The following CLOCK variants were observed in gnomAD, a reference collection of about 807,000 sequenced individuals.
The protein encoded by CLOCK is circadian locomoter output cycles protein kaput.
Under a neutral mutation model 118.4 loss-of-function variants are expected in CLOCK, and 43 were observed. That is an observed-to-expected ratio of 0.36 (90% CI 0.28 to 0.47). The LOEUF (loss-of-function observed/expected upper bound fraction) is 0.47. Ranked by LOEUF, CLOCK falls within the 20% of genes least tolerant of loss-of-function variation. The pLI is 1.00. For missense variants in CLOCK, 846 were observed against 999.9 expected (o/e 0.85, Z 2.08); for synonymous variants, 326 against 339.2 (o/e 0.96, Z 0.43).
chr4:55,520,919 C>T (rs1053494747), intron 1 of CLOCK, among the ~76,000 whole-genome samples: 1 of 152,196 alleles, frequency 6.6e-6, no homozygotes, highest in African/African-American at 2.4e-5. Flanking sequence ...TATAACAACT[C>T]CTTTGTGAAC....
chr4:55,453,083 C>T lies in CLOCK; in HGVS notation c.1177G>A (p.Glu393Lys), dbSNP rs200583019. 5.6e-6 allele frequency: 9 copies of T among 1,612,316 alleles called. No homozygotes were observed. In the Admixed American group the frequency reaches 1.5e-4, roughly 27 times the overall value. The part of the protein sequence containing the change: ...AERRRELGIE[E>K]SLPETAADKS... ...TCAGCAGCTGTCTCAGGAAGAGACT[C>T]TTCAATGCCAAGTTCTCGTCGTCTT... The change falls in exon 15 of 23, where the codon GAG becomes AAG. Residue 393 changes from glutamate to lysine, a missense_variant. Physicochemically the swap from Glu to Lys is moderately conservative, Grantham distance 56 (BLOSUM62 1). This residue lies in a region of CLOCK where 520 missense variants were observed against 558.0 expected (regional missense o/e 0.93). Transcript: ENST00000513440.
intron 8 of CLOCK, among the ~76,000 whole-genome samples, chr4:55,467,322 G>A (rs569010639): frequency 1.3e-5 from 2 of 152,142 alleles, no homozygotes; most frequent in South Asian, 4.2e-4. Context: ...ACTGAGTGAC[G>A]CTCCAAGGAA....
chr4:55,526,475 T>TA (rs1730195639), intron 1 of CLOCK, among the ~76,000 whole-genome samples: 1 of 152,204 alleles, frequency 6.6e-6, no homozygotes, highest in Non-Finnish European at 1.5e-5. Flanking sequence ...ATATTCTTGT[T>TA]AAGAGTCAAA....
At chr4:55,476,659 G>A (rs554895136) in intron 6 of CLOCK, among the ~76,000 whole-genome samples, 4 of 152,236 alleles carry the variant, frequency 2.6e-5, no homozygotes, top group Admixed American at 2.6e-4. Context: ...TACAACAGTA[G>A]AGAGATGGTG....
chr4:55,482,871 A>G (rs1485493890), intron 3 of CLOCK, 43 bp from the exon 4 acceptor site: 8 of 950,566 alleles, frequency 8.4e-6, no homozygotes, highest in East Asian at 5.0e-5. Context: ...TTTTCTAAAA[A>G]TGTTACTTCC....
At chr4:55,494,006 T>C (rs1727891950) in intron 2 of CLOCK, among the ~76,000 whole-genome samples, 2 of 152,208 alleles carry the variant, frequency 1.3e-5, no homozygotes, top group South Asian at 2.1e-4. Flanking sequence ...TCAACTAATA[T>C]ATATTTTTCA....
intron 2 of CLOCK, among the ~76,000 whole-genome samples, chr4:55,494,587 G>A (rs894376573): frequency 6.6e-6 from 1 of 152,074 alleles, no homozygotes; most frequent in African/African-American, 2.4e-5. Flanking sequence ...TAGGAGGGGG[G>A]ATGAGGGATA....
chr4:55,504,283 CAAAAAAAA>C (rs35414558), intron 2 of CLOCK, among the ~76,000 whole-genome samples: 18 of 51,950 alleles, frequency 3.5e-4, no homozygotes, highest in Non-Finnish European at 5.6e-4. Flanking sequence ...GAGACTCCAT[CAAAAAAAA>C]AAAAAAAAAA....
intron 15 of CLOCK, among the ~76,000 whole-genome samples, chr4:55,451,280 A>G (rs1169640053): frequency 6.6e-6 from 1 of 152,198 alleles, no homozygotes; most frequent in Non-Finnish European, 1.5e-5. Flanking sequence ...CTCAACACTC[A>G]TCTAAAATTT....
At chr4:55,520,433 T>G (rs1443270664) in intron 1 of CLOCK, among the ~76,000 whole-genome samples, 1 of 152,206 alleles carries the variant, frequency 6.6e-6, no homozygotes, top group African/African-American at 2.4e-5. Context: ...GCAGATGAAC[T>G]GGTGAAAATT....
Position 55,431,202 on chromosome 4 carries a change from T to C in CLOCK, c.*4213A>G, listed in dbSNP as rs1577653342. ...CGTAAAGGATCCCCAGGCATGAGAG[T>C]TGGGTCTTCTCACCTGTCTCATAAA... On this transcript the variant is annotated 3_prime_UTR_variant, in exon 23 of 23. Coordinates refer to ENST00000513440, the MANE Select transcript of CLOCK (RefSeq NM_004898.4). 6.6e-6 allele frequency: 1 copy of C among 152,106 alleles called. No homozygotes were observed. Among genetic ancestry groups the C allele is most frequent in the African/African-American group, 2.4e-5 (1 of 41,424 alleles). 9.4% of individuals were successfully genotyped at this position (152,106 alleles called of 1,614,324 possible).
At position 55,504,283 on chromosome 4, in the gene CLOCK, C is replaced by CAAAAAA. The variant is rs35414558; in HGVS notation, c.-136+5623_-136+5628dup. Among the ~76,000 whole-genome samples the CAAAAAA allele has an allele frequency of 4.8e-3, 251 of 51,810 alleles. 3 individuals are homozygous for CAAAAAA. Among genetic ancestry groups the CAAAAAA allele is most frequent in the East Asian group, 7.3e-3 (12 of 1,650 alleles). The allele number at this position is 51,810 out of a possible 152,430, so 34.0% of individuals were successfully genotyped here. A position where few individuals can be genotyped will look rare whatever the true frequency, so the allele number is the denominator to read the frequency against. The stretch of plus-strand genomic sequence containing the variant: ...CCTGGGCGACACAGCGAGACTCCAT[C>CAAAAAA]AAAAAAAAAAAAAAAAAAAAAAAAC... On this transcript the variant is annotated intron_variant, in intron 2 of 22. Transcript: ENST00000513440.
rs190461733 is a variant in CLOCK, at chr4:55,492,794, G to A, written c.-135-3329C>T. On this transcript the variant is annotated intron_variant, in intron 2 of 22. Transcript: ENST00000513440. The stretch of plus-strand genomic sequence containing the variant: ...CAGGAAGCGGAGGTTGCAGTGAGCC[G>A]AGATAGCGCCACTGCACTCTGACCT... Among the ~76,000 whole-genome samples, 33 of 152,186 alleles carry A rather than the reference G, an allele frequency of 2.2e-4. No homozygotes were observed. In the East Asian group the frequency reaches 2.9e-3, roughly 13 times the overall value.
chr4:55,456,045 T>G lies in CLOCK; in HGVS notation c.876-42A>C, dbSNP rs749910247. 1.2e-5 allele frequency: 17 copies of G among 1,379,434 alleles called. No individual in the cohort carries two copies. In the Admixed American group the frequency reaches 2.5e-4, roughly 20 times the overall value. 85.4% of individuals were successfully genotyped at this position (1,379,434 alleles called of 1,614,324 possible). ...ACAATCATTATTATAAGTTTTTCCA[T>G]AATAAGAAATATTTCAACTAGAAAT... On this transcript the variant is annotated intron_variant, in intron 12 of 22. Transcript: ENST00000513440.
In CLOCK at chr4:55,538,126, A is replaced by G. The variant is rs531644162; in HGVS notation, c.-290+8656T>C. On this transcript the variant is annotated intron_variant, in intron 1 of 22. Transcript: ENST00000513440. Reference sequence around the variant, plus strand: ...TCTCTACAGGTTATACAGATATTAGACTCATTACACTTTCTACAGATATTA... The same window carrying G: ...TCTCTACAGGTTATACAGATATTAGGCTCATTACACTTTCTACAGATATTA... 2.0e-5 allele frequency among the ~76,000 whole-genome samples: 3 copies of G among 152,350 alleles called. No individual in the cohort carries two copies. In the South Asian group the frequency reaches 6.2e-4, roughly 32 times the overall value.
intron 1 of CLOCK, among the ~76,000 whole-genome samples, chr4:55,534,061 A>G (rs1160633307): frequency 1.3e-5 from 2 of 152,194 alleles, no homozygotes; most frequent in African/African-American, 2.4e-5. Context: ...AAAGAACCCA[A>G]TAGTAATAAA....
intron 1 of CLOCK, among the ~76,000 whole-genome samples, chr4:55,514,140 T>A (rs149394126): frequency 1.3e-5 from 2 of 152,248 alleles, no homozygotes; most frequent in African/African-American, 4.8e-5. Flanking sequence ...ACTTCCAGTA[T>A]GATGTGAAAA....
chr4:55,432,427 C>T lies in CLOCK; in HGVS notation c.*2988G>A, dbSNP rs554169229. ...GTAGTTTCTTACCTAAAAAGTACCACCCAGAATAAGTGTTTTTAAGAAAGT... is the reference window on the plus strand; with the variant it reads ...GTAGTTTCTTACCTAAAAAGTACCATCCAGAATAAGTGTTTTTAAGAAAGT... On this transcript the variant is annotated 3_prime_UTR_variant, in exon 23 of 23. Coordinates refer to ENST00000513440, the MANE Select transcript of CLOCK (RefSeq NM_004898.4). The T allele has an allele frequency of 4.6e-5, 7 of 150,988 alleles. No individual in the cohort carries two copies. In the South Asian group the frequency reaches 1.5e-3, roughly 32 times the overall value. The allele number at this position is 150,988 out of a possible 1,614,324, so 9.4% of individuals were successfully genotyped here. A position where few individuals can be genotyped will look rare whatever the true frequency, so the allele number is the denominator to read the frequency against.
At chr4:55,453,484 CTTA>C (rs1724651457) in intron 14 of CLOCK, 190 bp downstream of exon 14, 1 of 509,708 alleles carries the variant, frequency 2.0e-6, no homozygotes. Flanking sequence ...TATATCAAGA[CTTA>C]TATATCTATA....
Sources: gnomAD v4.1 joint callset for allele counts (sites outside exome capture counted in the v4.1 genomes callset) on GRCh38, gnomAD v4.1.1 for gene constraint, gnomAD v4.1.1 regional missense constraint, MANE v1.5 for transcripts, NCBI Gene and HGNC (gene_info 2026-07-23, HGNC 2026-07-21) for gene names.